The following GRIK4 variants were observed in gnomAD, a reference collection of about 807,000 sequenced individuals.
GRIK4 encodes the protein glutamate receptor ionotropic, kainate 4.
A neutral mutation model predicts 104.9 loss-of-function variants in GRIK4; 40 were observed. The ratio of observed to expected loss-of-function variants is 0.38; its 90% CI spans 0.30 to 0.50. The LOEUF is 0.50. GRIK4 is among the 20% of genes least tolerant of loss of function. The pLI is 0.93. For missense variants in GRIK4, 1,047 were observed against 1,308.1 expected (o/e 0.80, Z 3.08); for synonymous variants, 485 against 524.9 (o/e 0.92, Z 1.04).
intron 4 of GRIK4, among the ~76,000 whole-genome samples, chr11:120,814,662 C>T (rs773280754): frequency 6.6e-5 from 10 of 152,210 alleles, no homozygotes; most frequent in Admixed American, 3.3e-4. Context: ...GAACTGATCC[C>T]GGACAGGTGA....
chr11:120,594,395 T>A (rs2135118281), intron 1 of GRIK4, among the ~76,000 whole-genome samples: 1 of 152,360 alleles, frequency 6.6e-6, no homozygotes, highest in South Asian at 2.1e-4. Flanking sequence ...GAGGATCGCC[T>A]GAGCCTGGGA....
intron 9 of GRIK4, among the ~76,000 whole-genome samples, chr11:120,862,612 C>T (rs1954291372): frequency 6.6e-6 from 1 of 152,094 alleles, no homozygotes. Flanking sequence ...GTGCTCTGTC[C>T]ACCCCCTGGC....
chr11:120,523,430 G>C (rs1947819306), intron 1 of GRIK4, among the ~76,000 whole-genome samples: 1 of 151,970 alleles, frequency 6.6e-6, no homozygotes, highest in African/African-American at 2.4e-5. Flanking sequence ...GTGGGAGGGG[G>C]TATGTCAAGA....
At chr11:120,737,499 G>A (rs1004530218) in intron 3 of GRIK4, among the ~76,000 whole-genome samples, 20 of 152,294 alleles carry the variant, frequency 1.3e-4, no homozygotes, top group African/African-American at 2.2e-4. Flanking sequence ...ACAGTTCAAC[G>A]TGTTGAACTG....
In GRIK4 at chr11:120,838,039, G is replaced by A. The variant is rs1953620862; in HGVS notation, c.744+1195G>A. ...AGGAAGCCATTCATTTGGAATATGA[G>A]TTCCCAGGACAGTCACCGGAATGAG... On this transcript the variant is annotated intron_variant, in intron 8 of 20. Transcript: ENST00000527524. 2.0e-5 allele frequency among the ~76,000 whole-genome samples: 3 copies of A among 152,214 alleles called. No homozygotes were observed. The South Asian group carries it at 6.2e-4, about 32-fold the overall frequency.
chr11:120,666,937 G>GA (rs1949924790), intron 3 of GRIK4, among the ~76,000 whole-genome samples: 1 of 152,168 alleles, frequency 6.6e-6, no homozygotes, highest in African/African-American at 2.4e-5. Flanking sequence ...TTTGGTGGGG[G>GA]GTGTTGGGAG....
At chr11:120,673,666 A>G (rs532653767) in intron 3 of GRIK4, among the ~76,000 whole-genome samples, 26 of 152,288 alleles carry the variant, frequency 1.7e-4, no homozygotes, top group Admixed American at 3.3e-4. Flanking sequence ...CTTCACTCTG[A>G]TGCTCTGGCT....
chr11:120,603,938 A>C (rs994944338), intron 1 of GRIK4, among the ~76,000 whole-genome samples: 1 of 151,748 alleles, frequency 6.6e-6, no homozygotes, highest in African/African-American at 2.4e-5. Flanking sequence ...TGGGAGGCCG[A>C]GGAAGGCGGA....
At chr11:120,552,840 A>G (rs1238509143) in intron 1 of GRIK4, among the ~76,000 whole-genome samples, 2 of 152,052 alleles carry the variant, frequency 1.3e-5, no homozygotes, top group Non-Finnish European at 2.9e-5. Context: ...TCTCTACTAA[A>G]AATACAAAAG....
chr11:120,841,944 AT>A (rs1382954458), intron 8 of GRIK4, among the ~76,000 whole-genome samples: 6 of 152,230 alleles, frequency 3.9e-5, no homozygotes, highest in African/African-American at 1.4e-4. Flanking sequence ...TAGCTGATGA[AT>A]AAAAATCACA....
At chr11:120,822,232 A>AAAAAAAAAAG (rs796180829) in intron 6 of GRIK4, among the ~76,000 whole-genome samples, 30 of 147,054 alleles carry the variant, frequency 2.0e-4, no homozygotes, top group African/African-American at 7.8e-4. Context: ...AAAAAAAAAA[A>AAAAAAAAAAG]AAAGACAGTA....
chr11:120,780,479 C>T (rs1952131977), intron 3 of GRIK4, among the ~76,000 whole-genome samples: 1 of 152,196 alleles, frequency 6.6e-6, no homozygotes, highest in African/African-American at 2.4e-5. Context: ...CTTTGTAAGG[C>T]TGAATCATAT....
intron 8 of GRIK4, among the ~76,000 whole-genome samples, chr11:120,846,937 T>A (rs553533072): frequency 8.1e-4 from 123 of 152,062 alleles, no homozygotes; most frequent in Non-Finnish European, 1.5e-3. Flanking sequence ...GCTGTCCAGA[T>A]CCCCCAGAGT....
At chr11:120,816,870 TCC>T (rs1952975040) in intron 5 of GRIK4, among the ~76,000 whole-genome samples, 1 of 152,020 alleles carries the variant, frequency 6.6e-6, no homozygotes, top group Non-Finnish European at 1.5e-5. Flanking sequence ...CCCATCCTCC[TCC>T]CGGTCACATA....
intron 11 of GRIK4, among the ~76,000 whole-genome samples, chr11:120,889,089 C>A (rs1955199990): frequency 6.6e-6 from 1 of 152,338 alleles, no homozygotes; most frequent in East Asian, 1.9e-4. Flanking sequence ...TGGCCAACTT[C>A]AGCATCTCCC....
chr11:120,533,318 C>T (rs1947940864), intron 1 of GRIK4, among the ~76,000 whole-genome samples: 1 of 152,230 alleles, frequency 6.6e-6, no homozygotes, highest in African/African-American at 2.4e-5. Flanking sequence ...ACTGCACACT[C>T]ACTAAGCATT....
intron 5 of GRIK4, among the ~76,000 whole-genome samples, chr11:120,816,061 G>T (rs947151122): frequency 7.9e-5 from 12 of 152,102 alleles, no homozygotes; most frequent in Non-Finnish European, 2.9e-5. Context: ...CGAACTGGAG[G>T]CTCTCCAGTT....
intron 3 of GRIK4, among the ~76,000 whole-genome samples, chr11:120,752,733 C>T (rs1162180465): frequency 2.0e-5 from 3 of 152,216 alleles, no homozygotes; most frequent in South Asian, 4.1e-4. Context: ...TCCTGCCCCC[C>T]AGCCCAAAGC....
At chr11:120,529,048 CCTT>C (rs1331913060) in intron 1 of GRIK4, among the ~76,000 whole-genome samples, 1 of 152,166 alleles carries the variant, frequency 6.6e-6, no homozygotes, top group Non-Finnish European at 1.5e-5. Context: ...CACCTCCTCT[CCTT>C]CTCTTGCTTC....
Sources: allele counts gnomAD v4.1 joint callset (sites outside exome capture counted in the v4.1 genomes callset), GRCh38; gene constraint gnomAD v4.1.1; transcripts MANE v1.5; gene names NCBI Gene and HGNC (gene_info 2026-07-23, HGNC 2026-07-21).